Variants in CEP97 observed in about 807,000 individuals in gnomAD.
CEP97 encodes the protein centrosomal protein of 97 kDa.
CEP97 carries 43 observed loss-of-function variants against 73.1 expected under a neutral mutation model. The ratio of observed to expected loss-of-function variants is 0.59; its 90% CI spans 0.46 to 0.76. CEP97 has a LOEUF of 0.76. CEP97 is among the 30% of genes least tolerant of loss of function. CEP97 has a pLI of 0.00. For synonymous variants in CEP97, 337 were observed against 370.0 expected (o/e 0.91, Z 1.02); for missense variants, 939 against 1,014.0 (o/e 0.93, Z 1.00).
chr3:101,760,044 A>G (rs1163252249), intron 9 of CEP97, among the ~76,000 whole-genome samples: 3 of 139,660 alleles, frequency 2.1e-5, no homozygotes, highest in Non-Finnish European at 4.7e-5. Context: ...AAAAAAAAAA[A>G]AAGAGGAAGA....
At position 101,764,853 on chromosome 3, in the gene CEP97, T is replaced by A. The variant is rs1461037716; in HGVS notation, c.1900T>A (p.Ser634Thr). ...AFRFLWNQVR[S>T]LQVWQQTVDQ... is the part of the protein sequence containing the mutation. Reference sequence around the variant, plus strand: ...TGTATTCTCTGGTTTATAGGTAAGGTCTCTACAGGTTTGGCAACAGACAGT... The same window carrying A: ...TGTATTCTCTGGTTTATAGGTAAGGACTCTACAGGTTTGGCAACAGACAGT... Residue 634 changes from serine (S) to threonine (T), a missense_variant, in exon 11 of 11, where the codon TCT becomes ACT. Ser to Thr is a moderately conservative substitution (Grantham distance 58). Coordinates refer to ENST00000341893, the MANE Select transcript of CEP97 (RefSeq NM_024548.4). The A allele has an allele frequency of 6.2e-7, 1 of 1,600,454 alleles. No homozygotes were observed. The highest frequency in any genetic ancestry group is 1.1e-5 in the South Asian group (1 of 88,626).
At chr3:101,752,888 T>G (rs1428954615) in intron 6 of CEP97, among the ~76,000 whole-genome samples, 2 of 152,238 alleles carry the variant, frequency 1.3e-5, no homozygotes, top group African/African-American at 4.8e-5. Flanking sequence ...CCTTCTTCTC[T>G]CAGCTCGTCA....
At chr3:101,731,603 T>C (rs1190695006) in intron 4 of CEP97, among the ~76,000 whole-genome samples, 1 of 152,238 alleles carries the variant, frequency 6.6e-6, no homozygotes, top group Non-Finnish European at 1.5e-5. Flanking sequence ...GCCAAGCATG[T>C]GTTTTTGGAC....
At chr3:101,752,090 G>A (rs1324499374) in intron 6 of CEP97, among the ~76,000 whole-genome samples, 1 of 152,064 alleles carries the variant, frequency 6.6e-6, no homozygotes, top group Non-Finnish European at 1.5e-5. Context: ...CAGGCCTGGT[G>A]GTGACAAAAT....
At chr3:101,758,980 T>C (rs1939099504) in intron 9 of CEP97, 1 of 153,710 alleles carries the variant, frequency 6.5e-6, no homozygotes, top group Non-Finnish European at 1.4e-5. Flanking sequence ...CAGCAAAGGA[T>C]ACTGAGAAGG....
At chr3:101,749,526 G>T (rs1184043844) in intron 6 of CEP97, among the ~76,000 whole-genome samples, 1 of 128,628 alleles carries the variant, frequency 7.8e-6, no homozygotes. Context: ...GGGTTGGCTG[G>T]GTCAAATGGT....
Position 101,731,894 on chromosome 3 carries a change from C to A in CEP97, c.502C>A (p.Leu168Ile). 1 of 1,612,404 alleles carries A rather than the reference C, an allele frequency of 6.2e-7. No individual in the cohort carries two copies. Among genetic ancestry groups the A allele is most frequent in the Non-Finnish European group, 8.5e-7 (1 of 1,178,510 alleles). The part of the protein sequence containing the change: ...ITSLRMAPAY[L>I]PRSLAILSLA... Reference sequence around the variant, plus strand: ...CTCTCTTAGAATGGCACCTGCTTACCTACCCAGAAGTCTTGCTATACTTTC... The same window carrying A: ...CTCTCTTAGAATGGCACCTGCTTACATACCCAGAAGTCTTGCTATACTTTC... Residue 168 changes from leucine (L) to isoleucine (I), a missense_variant, in exon 5 of 11, where the codon CTA becomes ATA. Transcript: ENST00000341893.
intron 10 of CEP97, among the ~76,000 whole-genome samples, chr3:101,763,751 G>T (rs1939232763): frequency 6.6e-6 from 1 of 152,112 alleles, no homozygotes; most frequent in Non-Finnish European, 1.5e-5. Flanking sequence ...ATACTATATT[G>T]TTAGCTAATA....
At chr3:101,756,065 CT>C (rs879428955) in intron 7 of CEP97, among the ~76,000 whole-genome samples, 3,482 of 144,306 alleles carry the variant, frequency 0.024, 29 homozygotes, top group Non-Finnish European at 0.035. Flanking sequence ...TATATTTGTT[CT>C]TTTTTTTTTT....
At chr3:101,753,755 A>G (rs1938918054) in intron 6 of CEP97, among the ~76,000 whole-genome samples, 1 of 152,210 alleles carries the variant, frequency 6.6e-6, no homozygotes, top group South Asian at 2.1e-4. Flanking sequence ...AGCCCGTTGG[A>G]AAAGCGCAGT....
intron 6 of CEP97, 53 bp from the exon 7 acceptor site, chr3:101,755,377 G>A: frequency 1.4e-6 from 2 of 1,462,628 alleles, no homozygotes; most frequent in Non-Finnish European, 1.9e-6. Context: ...GCCTGACAAT[G>A]TGTGTTGACT....
At chr3:101,746,915 AAC>A (rs1460729520) in intron 6 of CEP97, among the ~76,000 whole-genome samples, 104 of 148,812 alleles carry the variant, frequency 7.0e-4, no homozygotes, top group African/African-American at 2.5e-3. Flanking sequence ...GCAGCCAAAA[AAC>A]ACATGAAAAA....
Position 101,765,342 on chromosome 3 carries a change from G to A in CEP97, c.2389G>A (p.Asp797Asn). 1.2e-6 allele frequency: 2 copies of A among 1,614,138 alleles called. No individual in the cohort carries two copies. Among genetic ancestry groups the A allele is most frequent in the Non-Finnish European group, 1.7e-6 (2 of 1,180,038 alleles). ...GACCAATTTTGATACAGAGACAAGA[G>A]ATAGCAAACTTCACATTGCTTGTTT... is the stretch of plus-strand genomic sequence containing the variant. ...ERTNFDTETR[D>N]SKLHIACFPV... Residue 797 changes from aspartate to asparagine, a missense_variant, in exon 11 of 11, where the codon GAT becomes AAT. By Grantham distance (23) the Asp-to-Asn change is conservative. Coordinates refer to ENST00000341893, the MANE Select transcript of CEP97 (RefSeq NM_024548.4).
chr3:101,734,398 A>G (rs1938210580), intron 6 of CEP97, among the ~76,000 whole-genome samples: 2 of 152,214 alleles, frequency 1.3e-5, no homozygotes, highest in South Asian at 4.1e-4. Flanking sequence ...ACACACATGC[A>G]TTATGGACTC....
In CEP97 at chr3:101,755,541, A is replaced by T. The variant is rs2926543; in HGVS notation, c.840A>T (p.Leu280=). 3.0e-3 allele frequency: 4,903 copies of T among 1,614,182 alleles called. 14 individuals carry two copies. The highest frequency in any genetic ancestry group is 3.8e-3 in the Non-Finnish European group (4,436 of 1,180,018). ...LATVCPLTST[L]GLQTAEDAKL... ...CAGTCTGCCCCCTCACTTCTACACT[A>T]GGTCTTCAAACTGCAGAGGATGCCA... Residue 280 remains leucine (L), a synonymous_variant, in exon 7 of 11, where the codon CTA becomes CTT. Transcript: ENST00000341893.
Position 101,764,873 on chromosome 3 carries a change from G to C in CEP97, c.1920G>C (p.Gln640His). The change falls in exon 11 of 11, where the codon CAG (glutamine) becomes CAC (histidine). Residue 640 changes from glutamine to histidine, a missense_variant. Transcript: ENST00000341893. ...TAAGGTCTCTACAGGTTTGGCAACA[G>C]ACAGTGGACCAGCGTCTAAGTTCCT... ...NQVRSLQVWQ[Q>H]TVDQRLSSWH... The C allele has an allele frequency of 2.5e-6, 4 of 1,612,016 alleles. No individual in the cohort carries two copies. The highest frequency in any genetic ancestry group is 3.4e-6 in the Non-Finnish European group (4 of 1,179,248).
At position 101,758,002 on chromosome 3, in the gene CEP97, A is replaced by G; in HGVS notation, c.1396A>G (p.Met466Val). ...GGCTGCAAATGAGAATTCTGTTCAAATGATGAGAAGTGAAATCAATACAGA... is the reference window on the plus strand; with the variant it reads ...GGCTGCAAATGAGAATTCTGTTCAAGTGATGAGAAGTGAAATCAATACAGA... ...LWAANENSVQ[M>V]MRSEINTEVN... Residue 466 changes from methionine to valine, a missense_variant, in exon 9 of 11, where the codon ATG becomes GTG. Transcript: ENST00000341893. The G allele has an allele frequency of 6.2e-7, 1 of 1,614,250 alleles. No individual in the cohort carries two copies. Among genetic ancestry groups the G allele is most frequent in the Non-Finnish European group, 8.5e-7 (1 of 1,180,044 alleles).
At position 101,732,582 on chromosome 3, in the gene CEP97, A is replaced by G. The variant is rs200003550; in HGVS notation, c.656A>G (p.Tyr219Cys). Reference sequence around the variant, plus strand: ...ACACCATCCATCCCAGGATTTGACTATCGGCCGTACATCGTCAGCTGGTGC... The same window carrying G: ...ACACCATCCATCCCAGGATTTGACTGTCGGCCGTACATCGTCAGCTGGTGC... ...MATPSIPGFD[Y>C]RPYIVSWCLN... The change falls in exon 6 of 11, where the codon TAT becomes TGT. Residue 219 changes from tyrosine to cysteine, a missense_variant. Coordinates refer to ENST00000341893, the MANE Select transcript of CEP97 (RefSeq NM_024548.4). 98 of 1,613,982 alleles carry G rather than the reference A, an allele frequency of 6.1e-5. No homozygotes were observed. The highest frequency in any genetic ancestry group is 8.1e-5 in the Non-Finnish European group (96 of 1,179,972).
rs1244754402 is a variant in CEP97 at position 101,766,589 on chromosome 3, A to G, written c.*1038A>G. The stretch of plus-strand genomic sequence containing the variant: ...GAAAAAGTTCCACATTTGGAAGACA[A>G]TTTAATGATGGTGAAGAAATAATAA... On this transcript the variant is annotated 3_prime_UTR_variant, in exon 11 of 11. Transcript: ENST00000341893. 6.6e-6 allele frequency: 1 copy of G among 152,516 alleles called. No individual in the cohort carries two copies. The highest frequency in any genetic ancestry group is 6.6e-5 in the Admixed American group (1 of 15,260). The allele number at this position is 152,516 out of a possible 1,614,324, so 9.4% of individuals were successfully genotyped here.
Sources: gnomAD v4.1 joint callset for allele counts (sites outside exome capture counted in the v4.1 genomes callset) on GRCh38, gnomAD v4.1.1 for gene constraint, MANE v1.5 for transcripts, NCBI Gene and HGNC (gene_info 2026-07-23, HGNC 2026-07-21) for gene names.